The following MPHOSPH9 variants were observed in gnomAD, a reference collection of about 807,000 sequenced individuals.
The protein encoded by MPHOSPH9 is M-phase phosphoprotein 9.
Under a neutral mutation model 145.5 loss-of-function variants are expected in MPHOSPH9, and 88 were observed. That is an observed-to-expected ratio of 0.60 (90% confidence interval 0.51 to 0.72). The LOEUF (loss-of-function observed/expected upper bound fraction) is 0.72. Ranked by LOEUF, MPHOSPH9 falls within the 30% of genes least tolerant of loss-of-function variation. The probability of loss-of-function intolerance (pLI) is 0.00; values close to 1 mark genes in which losing one functional copy is unlikely to be tolerated. For synonymous variants in MPHOSPH9, 435 were observed against 486.2 expected, an observed-to-expected ratio of 0.89 and a Z score of 1.39; for missense variants, 1,238 against 1,386.6, an observed-to-expected ratio of 0.89 and a Z score of 1.70.
At position 123,218,417 on chromosome 12, in the gene MPHOSPH9, T is replaced by TA; in HGVS notation, c.954dup (p.Lys319Ter). On this transcript the variant is annotated frameshift_variant, in exon 6 of 24. Transcript: ENST00000606320. LOFTEE classifies it high-confidence loss of function. ...TTCTTACTTTGCTCATTTCCTTGTT[T>TA]AGATCTTGAACCTCCATCTTCTACA... The TA allele has an allele frequency of 6.2e-7, 1 of 1,614,156 alleles. No individual in the cohort carries two copies. The highest frequency in any genetic ancestry group is 8.5e-7 in the Non-Finnish European group (1 of 1,179,966).
chr12:123,153,666 G>A (rs1283601132), downstream of MPHOSPH9, among the ~76,000 whole-genome samples: 1 of 150,052 alleles, frequency 6.7e-6, no homozygotes, highest in South Asian at 2.1e-4. Context: ...ACGGGAGGCT[G>A]AGGCAGGAGA....
At chr12:123,217,999 T>G (rs922117543) in intron 6 of MPHOSPH9, among the ~76,000 whole-genome samples, 4 of 150,116 alleles carry the variant, frequency 2.7e-5, no homozygotes, top group Non-Finnish European at 5.9e-5. Flanking sequence ...GAGCCAAGAT[T>G]GTGCCACTGC....
chr12:123,202,701 G>C lies in MPHOSPH9; in HGVS notation c.1704C>G (p.Ser568=). ...VMVASASVSQ[S]QLPGTANSVP... Reference sequence around the variant, plus strand: ...CACTGTTGGCTGTACCTGGAAGCTGGGACTGACTGACTGAGGCCGAAGCAA... The same window carrying C: ...CACTGTTGGCTGTACCTGGAAGCTGCGACTGACTGACTGAGGCCGAAGCAA... The change falls in exon 10 of 24, where the codon TCC becomes TCG. Residue 568 remains serine, a synonymous_variant. Transcript: ENST00000606320. 6.2e-7 allele frequency: 1 copy of C among 1,614,110 alleles called. No individual in the cohort carries two copies. Among genetic ancestry groups the C allele is most frequent in the Non-Finnish European group, 8.5e-7 (1 of 1,180,026 alleles).
upstream of MPHOSPH9, among the ~76,000 whole-genome samples, chr12:123,234,410 A>C (rs1415544058): frequency 1.4e-5 from 2 of 140,594 alleles, no homozygotes; most frequent in African/African-American, 2.7e-5. Context: ...GGAGGGGGGT[A>C]GGGGGGACAA....
At chr12:123,176,646 C>T (rs1164902404) in intron 16 of MPHOSPH9, 42 bp downstream of exon 16, 2 of 1,416,614 alleles carry the variant, frequency 1.4e-6, no homozygotes, top group East Asian at 2.3e-5. Context: ...TAAAAGCATG[C>T]ACCTATTTCT....
intron 18 of MPHOSPH9, 59 bp from the exon 19 acceptor site, chr12:123,164,149 G>A: frequency 2.5e-6 from 4 of 1,599,066 alleles, no homozygotes; most frequent in Non-Finnish European, 3.4e-6. Context: ...CTACGCTTCA[G>A]TTATCCACCT....
Position 123,210,181 on chromosome 12 carries a change from C to T in MPHOSPH9, c.1088-19G>A. 2 of 1,438,168 alleles carry T rather than the reference C, an allele frequency of 1.4e-6. No individual in the cohort carries two copies. The highest frequency in any genetic ancestry group is 4.1e-5 in the Admixed American group (2 of 48,754). 89.1% of individuals were successfully genotyped at this position (1,438,168 alleles called of 1,614,324 possible). ...GTCAATCCTGATGTGCACAAACACA[C>T]AGAATAGAAAAGAGTGAGAAAAAAA... On this transcript the variant is annotated intron_variant, in intron 7 of 23. Coordinates refer to ENST00000606320, the MANE Select transcript of MPHOSPH9 (RefSeq NM_022782.4).
chr12:123,186,989 T>C (rs1012007273), intron 13 of MPHOSPH9, among the ~76,000 whole-genome samples: 5 of 151,452 alleles, frequency 3.3e-5, no homozygotes, highest in African/African-American at 1.2e-4. Flanking sequence ...CCAGGCGCAG[T>C]GGCTCTCGCC....
chr12:123,203,573 C>T (rs1452713388), intron 8 of MPHOSPH9, among the ~76,000 whole-genome samples, 198 bp from the exon 9 acceptor site: 1 of 152,062 alleles, frequency 6.6e-6, no homozygotes, highest in Admixed American at 6.6e-5. Flanking sequence ...TTTGGATCTC[C>T]TAACAATTTA....
chr12:123,189,476 T>C (rs1446749983), intron 13 of MPHOSPH9, among the ~76,000 whole-genome samples: 1 of 152,164 alleles, frequency 6.6e-6, no homozygotes, highest in African/African-American at 2.4e-5. Flanking sequence ...CATAGTAGCA[T>C]TGCTCCTAAC....
chr12:123,177,251 A>T (rs913102369), intron 15 of MPHOSPH9, among the ~76,000 whole-genome samples: 5 of 151,260 alleles, frequency 3.3e-5, no homozygotes, highest in African/African-American at 1.2e-4. Flanking sequence ...AAAGCTAAAT[A>T]AGCCAGGTGC....
chr12:123,174,665 C>G (rs941923112), intron 16 of MPHOSPH9, among the ~76,000 whole-genome samples: 1 of 152,152 alleles, frequency 6.6e-6, no homozygotes, highest in African/African-American at 2.4e-5. Flanking sequence ...AGCCACCGCA[C>G]CCGGCATGAC....
In MPHOSPH9 at chr12:123,202,821, G is replaced by T; in HGVS notation, c.1584C>A (p.Asn528Lys). Reference protein sequence around the residue: ...VDSWKNQTFQNESRTSSTFPS... With the variant: ...VDSWKNQTFQKESRTSSTFPS... The stretch of plus-strand genomic sequence containing the variant: ...GAAACGTGGAACTGGTCCTACTTTC[G>T]TTTTGGAATGTCTGATTTTTCCAAG... The change falls in exon 10 of 24, where the codon AAC becomes AAA. Residue 528 changes from asparagine (N) to lysine (K), a missense_variant. Asn to Lys is a moderately conservative substitution (Grantham distance 94, BLOSUM62 0). Transcript: ENST00000606320. The T allele has an allele frequency of 6.2e-7, 1 of 1,614,094 alleles. No individual in the cohort carries two copies.
At chr12:123,196,617 T>C (rs1272210002) in intron 12 of MPHOSPH9, among the ~76,000 whole-genome samples, 1 of 152,036 alleles carries the variant, frequency 6.6e-6, no homozygotes, top group East Asian at 1.9e-4. Flanking sequence ...TGGTAATGCG[T>C]GGGGAAAAAA....
chr12:123,204,720 C>T (rs1405967479), intron 8 of MPHOSPH9, among the ~76,000 whole-genome samples: 4 of 151,982 alleles, frequency 2.6e-5, no homozygotes, highest in Non-Finnish European at 5.9e-5. Context: ...ACTAAAAATA[C>T]AAAAATTAGC....
upstream of MPHOSPH9, among the ~76,000 whole-genome samples, chr12:123,236,290 A>C (rs1483515347): frequency 2.0e-5 from 3 of 152,096 alleles, no homozygotes; most frequent in Non-Finnish European, 2.9e-5. Flanking sequence ...TAAATACAAT[A>C]ATGTATTTGA....
intron 2 of MPHOSPH9, among the ~76,000 whole-genome samples, chr12:123,229,793 T>C (rs1308229646): frequency 6.6e-6 from 1 of 151,502 alleles, no homozygotes; most frequent in Non-Finnish European, 1.5e-5. Flanking sequence ...ACCAAACCTA[T>C]TCCTGACTTA....
Position 123,169,837 on chromosome 12 carries a change from A to G in MPHOSPH9, c.2457-3048T>C, listed in dbSNP as rs559878192. Among the ~76,000 whole-genome samples, 270 of 151,946 alleles carry G rather than the reference A, an allele frequency of 1.8e-3. 3 individuals are homozygous for G. In the South Asian group the frequency reaches 0.023, roughly 13 times the overall value. ...ACTCCTAACCTTAAGTGATCTGCCC[A>G]CCTTGGCCTCCCAAAGTGCTGGGAT... is the stretch of plus-strand genomic sequence containing the variant. On this transcript the variant is annotated intron_variant, in intron 16 of 23. Coordinates refer to ENST00000606320, the MANE Select transcript of MPHOSPH9 (RefSeq NM_022782.4).
chr12:123,158,854 C>A (rs1253447724), intron 23 of MPHOSPH9, among the ~76,000 whole-genome samples: 1 of 152,214 alleles, frequency 6.6e-6, no homozygotes, highest in Non-Finnish European at 1.5e-5. Flanking sequence ...CGGCCTCAAA[C>A]TCCTGACCTC....
Sources: gnomAD v4.1 joint callset for allele counts (sites outside exome capture counted in the v4.1 genomes callset) on GRCh38, gnomAD v4.1.1 for gene constraint, MANE v1.5 for transcripts, NCBI Gene and HGNC (gene_info 2026-07-23, HGNC 2026-07-21) for gene names.